The following ZNF277 variants were observed in gnomAD, a reference collection of about 807,000 sequenced individuals.
ZNF277 encodes zinc finger protein 277.
In ZNF277, 55 loss-of-function variants were observed where a neutral mutation model predicts 60.7. The observed-to-expected ratio is 0.91, with a 90% confidence interval of 0.73 to 1.13. ZNF277 has a LOEUF of 1.13. Ranked by LOEUF, ZNF277 falls within the 50% of genes most tolerant of loss-of-function variation. ZNF277 has a pLI of 0.00. For synonymous variants in ZNF277, 178 were observed against 179.3 expected (o/e 0.99, Z 0.06); for missense variants, 510 against 523.0 (o/e 0.98, Z 0.24).
At chr7:112,224,153 C>A (rs1187897398) in intron 1 of ZNF277, among the ~76,000 whole-genome samples, 1 of 152,140 alleles carries the variant, frequency 6.6e-6, no homozygotes, top group Non-Finnish European at 1.5e-5. Flanking sequence ...GGACAGTAAA[C>A]TGGCAGAAAA....
intron 4 of ZNF277, among the ~76,000 whole-genome samples, chr7:112,298,150 C>T (rs1051785347): frequency 1.3e-5 from 2 of 152,048 alleles, no homozygotes; most frequent in East Asian, 1.9e-4. Flanking sequence ...CAAGAGTGTA[C>T]GGTCTACTTA....
At chr7:112,281,812 G>A (rs1389568688) in intron 1 of ZNF277, among the ~76,000 whole-genome samples, 1 of 152,110 alleles carries the variant, frequency 6.6e-6, no homozygotes, top group Non-Finnish European at 1.5e-5. Context: ...CCAGGCCACT[G>A]GATTCTTTTT....
At chr7:112,330,371 G>C (rs1239847694) in intron 7 of ZNF277, 155 bp downstream of exon 7, 2 of 676,530 alleles carry the variant, frequency 3.0e-6, no homozygotes, top group Non-Finnish European at 2.5e-6. Flanking sequence ...AATGGTTAGA[G>C]TACAAGACAT....
chr7:112,207,007 A>G (rs1821516202), intron 1 of ZNF277, among the ~76,000 whole-genome samples, 200 bp downstream of exon 1: 1 of 151,938 alleles, frequency 6.6e-6, no homozygotes. Context: ...GGGATGGCGG[A>G]GAAAATGCCA....
At chr7:112,258,292 A>G (rs1791370033) in intron 1 of ZNF277, among the ~76,000 whole-genome samples, 1 of 151,536 alleles carries the variant, frequency 6.6e-6, no homozygotes. Context: ...CTTTCTTCCT[A>G]GTTAGGATTA....
Position 112,262,026 on chromosome 7 carries a change from A to G in ZNF277, c.92-24847A>G, listed in dbSNP as rs539127721. ...TCTTCTGTTCAGTGTCTTGTAGCAT[A>G]TGAGTACCTAGGGTGTACTCATTTT... On this transcript the variant is annotated intron_variant, in intron 1 of 11. Transcript: ENST00000361822. Among the ~76,000 whole-genome samples, 13 of 152,190 alleles carry G rather than the reference A, an allele frequency of 8.5e-5. 1 individual carries two copies. The highest frequency in any genetic ancestry group is 8.5e-4 in the Admixed American group (13 of 15,280).
chr7:112,218,395 T>A lies in ZNF277; in HGVS notation c.91+11588T>A, dbSNP rs568413847. The stretch of plus-strand genomic sequence containing the variant: ...AAAGTATGTATTATGTACAGCATGA[T>A]GTTTTGATATATGTATTAATATACA... On this transcript the variant is annotated intron_variant, in intron 1 of 11. Coordinates refer to ENST00000361822, the MANE Select transcript of ZNF277 (RefSeq NM_021994.3). Among the ~76,000 whole-genome samples the A allele has an allele frequency of 7.2e-5, 11 of 152,360 alleles. No individual in the cohort carries two copies. The South Asian group carries it at 2.1e-3, about 29-fold the overall frequency.
intron 1 of ZNF277, among the ~76,000 whole-genome samples, chr7:112,250,224 C>T (rs1301778514): frequency 1.3e-5 from 2 of 152,198 alleles, no homozygotes; most frequent in Admixed American, 6.5e-5. Context: ...TCTCCCATAG[C>T]GCTCCCAGGC....
chr7:112,314,316 A>G (rs1792794920), intron 4 of ZNF277, among the ~76,000 whole-genome samples: 2 of 152,162 alleles, frequency 1.3e-5, no homozygotes, highest in Non-Finnish European at 1.5e-5. Context: ...TGACCCTTGC[A>G]TAAGCAAAGA....
chr7:112,287,227 T>G (rs914187892), intron 2 of ZNF277, 153 bp downstream of exon 2: 1 of 705,656 alleles, frequency 1.4e-6, no homozygotes, highest in East Asian at 2.7e-5. Context: ...ATTTAAAAAT[T>G]ATCTAGGATC....
intron 1 of ZNF277, among the ~76,000 whole-genome samples, chr7:112,242,557 C>CAAA (rs34058145): frequency 1.6e-4 from 16 of 99,448 alleles, no homozygotes; most frequent in East Asian, 4.6e-4. Flanking sequence ...TAATAGCTAC[C>CAAA]AAAAAAAAAA....
intron 4 of ZNF277, among the ~76,000 whole-genome samples, chr7:112,305,211 C>T (rs554172316): frequency 1.3e-5 from 2 of 152,110 alleles, no homozygotes; most frequent in African/African-American, 4.8e-5. Flanking sequence ...CAAAGCAAGA[C>T]TCCATTCCTT....
intron 5 of ZNF277, among the ~76,000 whole-genome samples, chr7:112,320,129 C>T (rs1792942882): frequency 6.6e-6 from 1 of 152,032 alleles, no homozygotes; most frequent in African/African-American, 2.4e-5. Flanking sequence ...TTTGAAATAT[C>T]CATATGCCAT....
chr7:112,301,526 G>A (rs533919360), intron 4 of ZNF277, among the ~76,000 whole-genome samples: 11 of 152,248 alleles, frequency 7.2e-5, no homozygotes, highest in Middle Eastern at 3.4e-3. Context: ...AGTTTACACT[G>A]TAGTATAAAC....
At chr7:112,238,041 A>G (rs1222745962) in intron 1 of ZNF277, among the ~76,000 whole-genome samples, 1 of 152,226 alleles carries the variant, frequency 6.6e-6, no homozygotes, top group Admixed American at 6.5e-5. Flanking sequence ...ATCCCCACCT[A>G]TACAAACACC....
chr7:112,248,512 A>T (rs1791133918), intron 1 of ZNF277, among the ~76,000 whole-genome samples: 1 of 152,144 alleles, frequency 6.6e-6, no homozygotes, highest in Non-Finnish European at 1.5e-5. Flanking sequence ...TAATGCATTT[A>T]TAATAACACA....
chr7:112,337,663 G>C (rs188865982), intron 8 of ZNF277, 67 bp from the exon 9 acceptor site: 6 of 1,365,262 alleles, frequency 4.4e-6, no homozygotes, highest in Middle Eastern at 1.9e-4. Context: ...GCAATACCAA[G>C]TCACTGTGTA....
At chr7:112,328,662 G>A (rs1252181844) in intron 6 of ZNF277, among the ~76,000 whole-genome samples, 1 of 152,056 alleles carries the variant, frequency 6.6e-6, no homozygotes, top group African/African-American at 2.4e-5. Context: ...CCTGAGCTCG[G>A]GATTTTGAGA....
intron 8 of ZNF277, among the ~76,000 whole-genome samples, chr7:112,337,248 C>T (rs765450425): frequency 3.3e-5 from 5 of 152,146 alleles, no homozygotes; most frequent in Non-Finnish European, 5.9e-5. Context: ...TTAACACTTG[C>T]CCAGTTTAAA....
Sources: allele counts gnomAD v4.1 joint callset (sites outside exome capture counted in the v4.1 genomes callset), GRCh38; gene constraint gnomAD v4.1.1; transcripts MANE v1.5; gene names NCBI Gene and HGNC (gene_info 2026-07-23, HGNC 2026-07-21).